PHF21A: variants seen among roughly 807,000 people sequenced by gnomAD.
The protein encoded by PHF21A is BHC80a.
A neutral mutation model predicts 82.5 loss-of-function variants in PHF21A; 11 were observed. The observed-to-expected ratio is 0.13, with a 90% CI of 0.08 to 0.22. The LOEUF (loss-of-function observed/expected upper bound fraction) is 0.22, where lower values mean the gene tolerates loss of function less well. Among genes scored for constraint, PHF21A ranks in the 10% least tolerant of loss-of-function variants. The pLI is 1.00. For missense variants in PHF21A, 579 were observed against 837.8 expected, an observed-to-expected ratio of 0.69 and a Z score of 3.81; for synonymous variants, 297 against 302.8, an observed-to-expected ratio of 0.98 and a Z score of 0.20.
At chr11:45,968,386 C>G (rs1022481329) in intron 9 of PHF21A, among the ~76,000 whole-genome samples, 2 of 152,218 alleles carry the variant, frequency 1.3e-5, no homozygotes, top group Non-Finnish European at 2.9e-5. Context: ...TCTCCAACCT[C>G]AACTCTAACT....
At chr11:46,062,621 G>A (rs1465735552) in intron 6 of PHF21A, among the ~76,000 whole-genome samples, 1 of 151,948 alleles carries the variant, frequency 6.6e-6, no homozygotes, top group African/African-American at 2.4e-5. Flanking sequence ...TTGCACATTA[G>A]CAGCTTCCCT....
chr11:46,027,780 T>C (rs919935295), intron 6 of PHF21A, among the ~76,000 whole-genome samples: 1 of 152,242 alleles, frequency 6.6e-6, no homozygotes, highest in African/African-American at 2.4e-5. Context: ...AACAATGATT[T>C]ATATCTTCTT....
At chr11:46,016,117 T>C (rs1007874086) in intron 6 of PHF21A, among the ~76,000 whole-genome samples, 6 of 152,238 alleles carry the variant, frequency 3.9e-5, no homozygotes, top group Admixed American at 6.5e-5. Context: ...TGTATTACGC[T>C]ACCAAGTAGT....
intron 3 of PHF21A, among the ~76,000 whole-genome samples, chr11:46,087,337 C>A (rs1276063961): frequency 6.6e-6 from 1 of 152,200 alleles, no homozygotes; most frequent in African/African-American, 2.4e-5. Flanking sequence ...AATAAGCCTG[C>A]AACTCAAGTT....
At chr11:45,944,719 A>G (rs760686806) in intron 15 of PHF21A, among the ~76,000 whole-genome samples, 2 of 152,180 alleles carry the variant, frequency 1.3e-5, no homozygotes, top group African/African-American at 4.8e-5. Context: ...CACTCTTCAT[A>G]AACATCAGCC....
chr11:46,115,604 T>C (rs1487366561), intron 1 of PHF21A, among the ~76,000 whole-genome samples: 1 of 152,078 alleles, frequency 6.6e-6, no homozygotes, highest in Non-Finnish European at 1.5e-5. Flanking sequence ...CTTAGGCCTA[T>C]AAAAAAAGCC....
rs2087508129 is a variant in PHF21A at position 45,929,905 on chromosome 11, T to G, written c.*4063A>C. ...TCAGGGTGAGGATGGGAGTCCTGCTTCCTGCCAGGGGTGCCCGGCAGAGGG... is the reference window on the plus strand; with the variant it reads ...TCAGGGTGAGGATGGGAGTCCTGCTGCCTGCCAGGGGTGCCCGGCAGAGGG... On this transcript the variant is annotated 3_prime_UTR_variant, in exon 19 of 19. Transcript: ENST00000676320. 1 of 152,322 alleles carries G rather than the reference T, an allele frequency of 6.6e-6. No individual in the cohort carries two copies. The highest frequency in any genetic ancestry group is 1.9e-4 in the East Asian group (1 of 5,178). The allele number at this position is 152,322 out of a possible 1,614,324, so 9.4% of individuals were successfully genotyped here.
chr11:45,979,717 A>T (rs903277538), intron 7 of PHF21A, 43 bp downstream of exon 7: 1 of 1,612,282 alleles, frequency 6.2e-7, no homozygotes, highest in Non-Finnish European at 8.5e-7. Context: ...ACAACAAATC[A>T]GTCTACAATC....
At chr11:46,060,433 G>C (rs570528497) in intron 6 of PHF21A, among the ~76,000 whole-genome samples, 31 of 152,218 alleles carry the variant, frequency 2.0e-4, no homozygotes, top group African/African-American at 6.5e-4. Flanking sequence ...TGTAATCTTA[G>C]CACATACTCA....
chr11:45,945,693 T>A, intron 15 of PHF21A, 147 bp downstream of exon 15: 1 of 630,538 alleles, frequency 1.6e-6, no homozygotes, highest in Non-Finnish European at 2.6e-6. Flanking sequence ...AAAGCTGCCT[T>A]ACATGGCATA....
chr11:46,022,905 C>A (rs1484063499), intron 6 of PHF21A, among the ~76,000 whole-genome samples: 1 of 152,146 alleles, frequency 6.6e-6, no homozygotes, highest in Non-Finnish European at 1.5e-5. Flanking sequence ...TGTGCACCAC[C>A]ACACTTGGGT....
intron 5 of PHF21A, among the ~76,000 whole-genome samples, chr11:46,078,795 CAGAA>C (rs1216508729): frequency 2.6e-5 from 4 of 151,934 alleles, no homozygotes; most frequent in African/African-American, 2.4e-5. Context: ...ATTGGGATGA[CAGAA>C]AGCCTCAAAA....
intron 1 of PHF21A, among the ~76,000 whole-genome samples, chr11:46,099,733 A>T (rs1565989725): frequency 1.3e-5 from 2 of 152,218 alleles, no homozygotes. Context: ...AAAAGAATTA[A>T]CATTTATTTC....
intron 6 of PHF21A, among the ~76,000 whole-genome samples, chr11:46,058,148 A>G (rs1228833957): frequency 2.0e-5 from 3 of 152,176 alleles, no homozygotes; most frequent in Non-Finnish European, 4.4e-5. Flanking sequence ...ACACCTCCCT[A>G]CATTCTACTG....
chr11:46,014,246 T>G (rs2095470136), intron 6 of PHF21A, among the ~76,000 whole-genome samples: 1 of 152,246 alleles, frequency 6.6e-6, no homozygotes, highest in African/African-American at 2.4e-5. Context: ...CTCCCACTTA[T>G]AAATGAGAAC....
chr11:45,998,916 G>C (rs947449036), intron 6 of PHF21A, among the ~76,000 whole-genome samples: 1 of 151,644 alleles, frequency 6.6e-6, no homozygotes, highest in African/African-American at 2.4e-5. Context: ...TCTGACTCTT[G>C]GGTTCAAGCA....
intron 10 of PHF21A, among the ~76,000 whole-genome samples, chr11:45,958,672 T>C (rs116710419): frequency 0.011 from 1,745 of 151,826 alleles, 38 homozygotes; most frequent in African/African-American, 0.04. Context: ...TCCCAACACT[T>C]TGGGAAGCCA....
intron 6 of PHF21A, among the ~76,000 whole-genome samples, chr11:46,052,358 T>G (rs1020526442): frequency 2.6e-5 from 4 of 152,154 alleles, no homozygotes; most frequent in South Asian, 2.1e-4. Context: ...AGCAGCTATA[T>G]CCCTGAACTT....
chr11:45,956,041 C>A (rs957995474), intron 10 of PHF21A, among the ~76,000 whole-genome samples: 2 of 152,288 alleles, frequency 1.3e-5, no homozygotes, highest in Non-Finnish European at 1.5e-5. Flanking sequence ...AGCAAAAAAA[C>A]CCCTATCAAC....
Sources: gnomAD v4.1 joint callset for allele counts (sites outside exome capture counted in the v4.1 genomes callset) on GRCh38, gnomAD v4.1.1 for gene constraint, MANE v1.5 for transcripts, NCBI Gene and HGNC (gene_info 2026-07-23, HGNC 2026-07-21) for gene names.